NEO1: variants seen among roughly 807,000 people sequenced by gnomAD.
The protein encoded by NEO1 is neogenin 1.
NEO1 carries 63 observed loss-of-function variants against 159.7 expected under a neutral mutation model. The observed-to-expected ratio is 0.39, with a 90% confidence interval of 0.32 to 0.49. The LOEUF is 0.49. Among genes scored for constraint, NEO1 ranks in the 20% least tolerant of loss-of-function variants. The pLI, the probability that NEO1 is intolerant of heterozygous loss-of-function variation, is 0.85. For synonymous variants in NEO1, 633 were observed against 662.0 expected, an observed-to-expected ratio of 0.96 and a Z score of 0.67; for missense variants, 1,615 against 1,831.0, an observed-to-expected ratio of 0.88 and a Z score of 2.15.
chr15:73,295,028 T>C (rs2042301839), intron 26 of NEO1, among the ~76,000 whole-genome samples: 2 of 151,006 alleles, frequency 1.3e-5, no homozygotes, highest in Admixed American at 1.3e-4. Context: ...CCTGTAATTC[T>C]AGCACTTTGG....
At chr15:73,212,756 C>CAA (rs11418062) in intron 7 of NEO1, among the ~76,000 whole-genome samples, 35 of 146,784 alleles carry the variant, frequency 2.4e-4, no homozygotes, top group Middle Eastern at 3.5e-3. Flanking sequence ...GGAAACAGCC[C>CAA]AAAAAAAAAG....
chr15:73,292,977 T>G (rs1596628844), intron 25 of NEO1, among the ~76,000 whole-genome samples: 1 of 152,308 alleles, frequency 6.6e-6, no homozygotes, highest in South Asian at 2.1e-4. Flanking sequence ...AATAGAAAAT[T>G]TATGTGTTGG....
Position 73,164,390 on chromosome 15 carries a change from T to C in NEO1, c.1016-12013T>C, listed in dbSNP as rs116895036. 7.1e-3 allele frequency among the ~76,000 whole-genome samples: 1,086 copies of C among 152,062 alleles called. 14 individuals carry two copies. The highest frequency in any genetic ancestry group is 0.049 in the East Asian group (255 of 5,164). ...CACCACACTCAGGTAATTTTTTGTG[T>C]TTTTGGTAGAGACAGGGTTTCACCA... On this transcript the variant is annotated intron_variant, in intron 5 of 28. Coordinates refer to ENST00000261908, the MANE Select transcript of NEO1 (RefSeq NM_002499.4).
At chr15:73,162,077 G>T in intron 5 of NEO1, 1 of 226,064 alleles carries the variant, frequency 4.4e-6, no homozygotes, top group Non-Finnish European at 9.1e-6. Flanking sequence ...GTCTCATACA[G>T]ATTTCTTCAG....
intron 7 of NEO1, among the ~76,000 whole-genome samples, chr15:73,209,556 C>T (rs2037432700): frequency 1.3e-5 from 2 of 152,078 alleles, no homozygotes; most frequent in Non-Finnish European, 1.5e-5. Context: ...TGAACTCTAT[C>T]AGAATCATGG....
intron 1 of NEO1, among the ~76,000 whole-genome samples, chr15:73,087,172 A>T (rs2069413267): frequency 6.6e-6 from 1 of 152,120 alleles, no homozygotes; most frequent in Admixed American, 6.6e-5. Flanking sequence ...TTAAACTCCC[A>T]TTCTGTTCCT....
intron 5 of NEO1, among the ~76,000 whole-genome samples, chr15:73,170,431 C>G (rs1037381801): frequency 2.0e-5 from 3 of 151,976 alleles, no homozygotes; most frequent in Admixed American, 2.0e-4. Flanking sequence ...TTAAAAAATA[C>G]AAAATTGCTG....
chr15:73,122,092 T>C (rs968435858), intron 2 of NEO1, among the ~76,000 whole-genome samples: 11 of 102,990 alleles, frequency 1.1e-4, no homozygotes, highest in African/African-American at 3.7e-4. Context: ...TATATATATA[T>C]ATACACATTA....
intron 7 of NEO1, among the ~76,000 whole-genome samples, chr15:73,204,189 T>C (rs532639582): frequency 6.4e-4 from 97 of 152,152 alleles, no homozygotes; most frequent in Non-Finnish European, 1.3e-3. Context: ...CCACTGTAAT[T>C]CTTATCATTA....
At position 73,069,354 on chromosome 15, in the gene NEO1, G is replaced by T. The variant is rs564828988; in HGVS notation, c.130+16549G>T. ...ATTTTGGGAGCACAGATGTCAGCAC[G>T]TTCTTTGATCTTATATACCTGTTAT... On this transcript the variant is annotated intron_variant, in intron 1 of 28. Transcript: ENST00000261908. Among the ~76,000 whole-genome samples the T allele has an allele frequency of 7.6e-4, 115 of 151,622 alleles. 1 individual carries two copies. Among genetic ancestry groups the T allele is most frequent in the African/African-American group, 2.7e-3 (111 of 41,396 alleles).
intron 7 of NEO1, among the ~76,000 whole-genome samples, chr15:73,231,173 G>C (rs1393443896): frequency 6.6e-5 from 10 of 152,128 alleles, no homozygotes; most frequent in Non-Finnish European, 1.5e-4. Flanking sequence ...ATATAAAATA[G>C]TTAAATAACG....
chr15:73,089,545 G>A (rs114440103), intron 1 of NEO1, among the ~76,000 whole-genome samples: 2,130 of 151,290 alleles, frequency 0.014, 44 homozygotes, highest in African/African-American at 0.046. Context: ...TAACAAATGC[G>A]TTAAAAAGAT....
rs1344572761 is a variant in NEO1 at position 73,243,804 on chromosome 15, TAATCA to T, written c.1452-539_1452-535del. Among the ~76,000 whole-genome samples, 10 of 152,356 alleles carry T rather than the reference TAATCA, an allele frequency of 6.6e-5. No individual in the cohort carries two copies. The East Asian group carries it at 1.3e-3, about 21-fold the overall frequency. The stretch of plus-strand genomic sequence containing the variant: ...TAAGAAATTATAAAAATCAGTATTG[TAATCA>T]GTTTATTTTATAGACTGGGTTACAC... On this transcript the variant is annotated intron_variant, in intron 8 of 28. Transcript: ENST00000261908.
intron 7 of NEO1, among the ~76,000 whole-genome samples, chr15:73,211,127 C>T (rs1341915312): frequency 6.6e-6 from 1 of 152,204 alleles, no homozygotes; most frequent in Non-Finnish European, 1.5e-5. Flanking sequence ...CTTAAAAGCA[C>T]TTGGACCTTA....
intron 1 of NEO1, among the ~76,000 whole-genome samples, chr15:73,077,571 G>A (rs1240299533): frequency 1.3e-5 from 2 of 152,176 alleles, no homozygotes; most frequent in Non-Finnish European, 2.9e-5. Flanking sequence ...TGTGTTCTCT[G>A]AAGGAGAAGT....
intron 7 of NEO1, among the ~76,000 whole-genome samples, chr15:73,204,954 A>G (rs1344405420): frequency 6.6e-6 from 1 of 152,206 alleles, no homozygotes; most frequent in Non-Finnish European, 1.5e-5. Context: ...AGGTTATCAG[A>G]GACTTGAAGC....
chr15:73,128,763 C>T (rs962439243), intron 4 of NEO1, among the ~76,000 whole-genome samples: 1 of 152,174 alleles, frequency 6.6e-6, no homozygotes, highest in Admixed American at 6.5e-5. Context: ...TAGAATGATT[C>T]TCAGACTGGG....
intron 5 of NEO1, among the ~76,000 whole-genome samples, chr15:73,165,900 G>A (rs186051388): frequency 4.7e-4 from 71 of 152,200 alleles, no homozygotes; most frequent in African/African-American, 1.1e-3. Context: ...ATTCCATATC[G>A]CTTTGTTCCC....
At chr15:73,242,787 A>G (rs996128840) in intron 8 of NEO1, among the ~76,000 whole-genome samples, 4 of 152,190 alleles carry the variant, frequency 2.6e-5, no homozygotes, top group Non-Finnish European at 4.4e-5. Context: ...GAAGAAGAAG[A>G]AAAGGGGTTG....
Sources: allele counts gnomAD v4.1 joint callset (sites outside exome capture counted in the v4.1 genomes callset), GRCh38; gene constraint gnomAD v4.1.1; transcripts MANE v1.5; gene names NCBI Gene and HGNC (gene_info 2026-07-23, HGNC 2026-07-21).